Variants in LANCL3 observed in about 807,000 individuals in gnomAD.
The protein encoded by LANCL3 is LanC like family member 3, also known as lanC-like protein 3.
In LANCL3, 19 loss-of-function variants were observed where a neutral mutation model predicts 26.5. That is an observed-to-expected ratio of 0.72 (90% CI 0.50 to 1.05). The LOEUF is 1.05. Ranked by LOEUF, LANCL3 falls within the 50% of genes least tolerant of loss-of-function variation. The probability of loss-of-function intolerance (pLI) is 0.00; values close to 1 mark genes in which losing one functional copy is unlikely to be tolerated. For missense variants in LANCL3, 318 were observed against 362.7 expected (o/e 0.88, Z 1.00); for synonymous variants, 160 against 166.6 (o/e 0.96, Z 0.30).
chrX:37,582,457 T>G (rs1324213557), intron 1 of LANCL3, among the ~76,000 whole-genome samples: 2 of 112,074 alleles, frequency 1.8e-5, no homozygotes, highest in African/African-American at 6.5e-5. Context: ...GTTTCCTGAC[T>G]TTTTAATGAT....
At chrX:37,634,943 C>T (rs941703122) in intron 1 of LANCL3, among the ~76,000 whole-genome samples, 1 of 110,120 alleles carries the variant, frequency 9.1e-6, no homozygotes, top group Non-Finnish European at 1.9e-5. Flanking sequence ...TCTTAAAACT[C>T]TATGGAATTA....
At chrX:37,588,112 A>T (rs1190919190) in intron 1 of LANCL3, among the ~76,000 whole-genome samples, 2 of 112,508 alleles carry the variant, frequency 1.8e-5, no homozygotes, top group African/African-American at 6.5e-5. Context: ...TATTAAATGT[A>T]TTGGCCTTTG....
rs1312936415 is a variant in LANCL3 at position 37,681,302 on chromosome X, TGA to T, written c.*5491_*5492del. On this transcript the variant is annotated 3_prime_UTR_variant, in exon 5 of 5. Transcript: ENST00000378619. Reference sequence around the variant, plus strand: ...AATGAGCTATTTTACATTTTTGTACTGAGTCTTCAAACTCTAGTGTGTATTTT... The same window carrying T: ...AATGAGCTATTTTACATTTTTGTACTGTCTTCAAACTCTAGTGTGTATTTT... The T allele has an allele frequency of 2.7e-5, 3 of 112,835 alleles. No individual in the cohort carries two copies. The highest frequency in any genetic ancestry group is 9.7e-5 in the African/African-American group (3 of 31,073). The allele number at this position is 112,835 out of a possible 1,213,427, so 9.3% of individuals were successfully genotyped here.
intron 1 of LANCL3, among the ~76,000 whole-genome samples, chrX:37,611,890 T>G (rs782101618): frequency 1.8e-5 from 2 of 112,249 alleles, no homozygotes; most frequent in Admixed American, 1.9e-4. Flanking sequence ...GCCTGGCAGT[T>G]TCTAATAATG....
intron 1 of LANCL3, among the ~76,000 whole-genome samples, chrX:37,582,623 T>A (rs1556417206): frequency 9.0e-6 from 1 of 111,617 alleles, no homozygotes; most frequent in Non-Finnish European, 1.9e-5. Context: ...CACTTGTTGA[T>A]GGGGTTGTTT....
intron 1 of LANCL3, among the ~76,000 whole-genome samples, chrX:37,629,874 A>G (rs1280970553): frequency 2.7e-5 from 3 of 111,302 alleles, no homozygotes; most frequent in African/African-American, 9.8e-5. Context: ...GTTTGAAGTC[A>G]GGTAGCGTGA....
chrX:37,595,077 T>G (rs1481642550), intron 1 of LANCL3, among the ~76,000 whole-genome samples: 2 of 111,990 alleles, frequency 1.8e-5, no homozygotes, highest in African/African-American at 6.5e-5. Flanking sequence ...CTGGCTGCCC[T>G]TTTGGGTGTA....
chrX:37,619,269 A>G (rs1232747771), intron 1 of LANCL3, among the ~76,000 whole-genome samples: 4 of 112,059 alleles, frequency 3.6e-5, no homozygotes, highest in Admixed American at 9.5e-5. Context: ...ACTTTCGCAC[A>G]GATTATCATT....
intron 3 of LANCL3, among the ~76,000 whole-genome samples, chrX:37,664,449 T>C (rs1926493819): frequency 8.9e-6 from 1 of 112,667 alleles, no homozygotes; most frequent in South Asian, 3.7e-4. Flanking sequence ...TACCAAGTTC[T>C]GTGAAATGTC....
chrX:37,580,803 A>G lies in LANCL3; in HGVS notation c.573+8360A>G, dbSNP rs1194156894. On this transcript the variant is annotated intron_variant, in intron 1 of 4. Transcript: ENST00000378619. ...AGGTTCTACATATATGTCACATAAT[A>G]CTACCAACAACTTTATAACATGGGC... Among the ~76,000 whole-genome samples the G allele has an allele frequency of 4.5e-5, 5 of 110,728 alleles. No homozygotes were observed. In the Admixed American group the frequency reaches 4.8e-4, roughly 11 times the overall value.
intron 1 of LANCL3, among the ~76,000 whole-genome samples, chrX:37,594,552 A>G (rs1924372242): frequency 8.9e-6 from 1 of 112,237 alleles, no homozygotes; most frequent in Non-Finnish European, 1.9e-5. Flanking sequence ...CCCCCAATTG[A>G]TAAGAGATGG....
intron 1 of LANCL3, among the ~76,000 whole-genome samples, chrX:37,651,656 G>A (rs781820600): frequency 9.1e-6 from 1 of 109,927 alleles, no homozygotes; most frequent in African/African-American, 3.3e-5. Context: ...CAATGTGCAG[G>A]TTTGTTACAT....
chrX:37,597,253 A>C (rs1924457045), intron 1 of LANCL3, among the ~76,000 whole-genome samples: 2 of 112,033 alleles, frequency 1.8e-5, no homozygotes. Flanking sequence ...CATTGGAGTT[A>C]TTTCCAGTTA....
chrX:37,663,459 A>G (rs1556433071), intron 3 of LANCL3, among the ~76,000 whole-genome samples: 1 of 111,598 alleles, frequency 9.0e-6, no homozygotes, highest in African/African-American at 3.3e-5. Context: ...GAAGCACTGT[A>G]GGTGGTTTGG....
In LANCL3 at chrX:37,680,721, G is replaced by C. The variant is rs1191638225; in HGVS notation, c.*4908G>C. On this transcript the variant is annotated 3_prime_UTR_variant, in exon 5 of 5. Transcript: ENST00000378619. ...GGAAGAAGAGGGAGAAGGGGGTAAAGATACATAAGGCTTAACTACCCAGGG... is the reference window on the plus strand; with the variant it reads ...GGAAGAAGAGGGAGAAGGGGGTAAACATACATAAGGCTTAACTACCCAGGG... The C allele has an allele frequency of 9.0e-6, 1 of 111,569 alleles. No individual in the cohort carries two copies. Among genetic ancestry groups the C allele is most frequent in the Non-Finnish European group, 1.9e-5 (1 of 53,114 alleles). The allele number at this position is 111,569 out of a possible 1,213,427, so 9.2% of individuals were successfully genotyped here.
intron 4 of LANCL3, among the ~76,000 whole-genome samples, 173 bp downstream of exon 4, chrX:37,667,662 A>G (rs1437479843): frequency 1.8e-5 from 2 of 111,774 alleles, no homozygotes; most frequent in Non-Finnish European, 3.8e-5. Context: ...CTTCCCAAAG[A>G]TATTCTATAT....
chrX:37,593,923 G>T (rs782581948), intron 1 of LANCL3, among the ~76,000 whole-genome samples: 1 of 112,004 alleles, frequency 8.9e-6, no homozygotes, highest in South Asian at 3.7e-4. Context: ...AGTAAATTAA[G>T]ATTTAATGAT....
chrX:37,647,765 G>T (rs1193404521), intron 1 of LANCL3, among the ~76,000 whole-genome samples: 6 of 112,256 alleles, frequency 5.3e-5, no homozygotes, highest in Non-Finnish European at 1.1e-4. Flanking sequence ...TGCCTGTCAG[G>T]TCAGACTTAG....
intron 1 of LANCL3, among the ~76,000 whole-genome samples, chrX:37,585,447 C>T (rs1420222057): frequency 6.3e-5 from 7 of 111,651 alleles, no homozygotes; most frequent in Non-Finnish European, 1.3e-4. Flanking sequence ...CTTTCTAGGT[C>T]TCTAAGGACT....
Sources: allele counts gnomAD v4.1 joint callset (sites outside exome capture counted in the v4.1 genomes callset), GRCh38; gene constraint gnomAD v4.1.1; transcripts MANE v1.5; gene names NCBI Gene and HGNC (gene_info 2026-07-23, HGNC 2026-07-21).